Variants in PSME3IP1 observed in about 807,000 individuals in gnomAD.
The protein encoded by PSME3IP1 is proteasome activator subunit 3 interacting protein 1, also known as PSME3-interacting protein.
Under a neutral mutation model 34.1 loss-of-function variants are expected in PSME3IP1, and 13 were observed. The ratio of observed to expected loss-of-function variants is 0.38; its 90% CI spans 0.25 to 0.61. The LOEUF is 0.61. Ranked by LOEUF, PSME3IP1 falls within the 20% of genes least tolerant of loss-of-function variation. The pLI is 0.60. For synonymous variants in PSME3IP1, 93 were observed against 114.3 expected, an observed-to-expected ratio of 0.81 and a Z score of 1.19; for missense variants, 237 against 301.4, an observed-to-expected ratio of 0.79 and a Z score of 1.58.
chr16:57,169,087 G>T (rs2072260885), intron 4 of PSME3IP1, among the ~76,000 whole-genome samples: 1 of 152,030 alleles, frequency 6.6e-6, no homozygotes, highest in African/African-American at 2.4e-5. Flanking sequence ...GGGGTAGGGG[G>T]TGTTAATAAT....
chr16:57,172,926 T>A, intron 2 of PSME3IP1, 52 bp from the exon 3 acceptor site: 1 of 1,122,398 alleles, frequency 8.9e-7, no homozygotes, highest in South Asian at 1.2e-5. Context: ...GATATACACT[T>A]CAGATTGTTT....
intron 4 of PSME3IP1, among the ~76,000 whole-genome samples, chr16:57,171,100 G>A (rs1241662346): frequency 1.3e-5 from 2 of 152,024 alleles, no homozygotes; most frequent in African/African-American, 2.4e-5. Flanking sequence ...ATTACCGACA[G>A]CAATTTTAGG....
chr16:57,162,876 G>A (rs372877923), intron 6 of PSME3IP1, among the ~76,000 whole-genome samples: 3 of 151,582 alleles, frequency 2.0e-5, no homozygotes, highest in African/African-American at 7.3e-5. Flanking sequence ...GGCTACATAA[G>A]AAATGTGGCT....
At position 57,167,135 on chromosome 16, in the gene PSME3IP1, A is replaced by G; in HGVS notation, c.440T>C (p.Phe147Ser). The change falls in exon 5 of 7, where the codon TTC becomes TCC. Residue 147 changes from phenylalanine (F) to serine (S), a missense_variant. Phe to Ser is a radical substitution (Grantham distance 155). Coordinates refer to ENST00000309137, the MANE Select transcript of PSME3IP1 (RefSeq NM_024946.4). ...TVKPIETKNK[F>S]SQAKLLAGAV... The stretch of plus-strand genomic sequence containing the variant: ...TCCTGCCAACAGCTTCGCCTGGGAG[A>G]ACTTGTTCTTGGTTTCTATAGGCTT... The G allele has an allele frequency of 6.2e-7, 1 of 1,614,050 alleles. No individual in the cohort carries two copies. The highest frequency in any genetic ancestry group is 1.1e-5 in the South Asian group (1 of 91,074).
intron 1 of PSME3IP1, chr16:57,174,293 C>CAA (rs112755174): frequency 0.033 from 8,853 of 266,874 alleles, 278 homozygotes; most frequent in East Asian, 0.24. Flanking sequence ...GATTCTGTCT[C>CAA]AAAAAAAAAA....
At chr16:57,173,105 T>C (rs2072786661) in intron 2 of PSME3IP1, among the ~76,000 whole-genome samples, 1 of 152,208 alleles carries the variant, frequency 6.6e-6, no homozygotes, top group Admixed American at 6.5e-5. Context: ...GCCCATGGCC[T>C]GAGACAGTTA....
chr16:57,181,585 TGAG>T (rs1214624780), intron 1 of PSME3IP1: 3 of 152,190 alleles, frequency 2.0e-5, no homozygotes, highest in Non-Finnish European at 2.9e-5. Flanking sequence ...TCCCATAGGT[TGAG>T]GGGTGAGTCC....
At chr16:57,166,342 G>T (rs2071866029) in intron 5 of PSME3IP1, among the ~76,000 whole-genome samples, 1 of 152,180 alleles carries the variant, frequency 6.6e-6, no homozygotes. Context: ...ACATAGCAAA[G>T]AACTTATCAT....
At chr16:57,178,658 CCATA>C in intron 1 of PSME3IP1, 1 of 985,192 alleles carries the variant, frequency 1.0e-6, no homozygotes, top group Non-Finnish European at 1.2e-6. Flanking sequence ...TATTCAAACG[CCATA>C]CAATTTGTGC....
intron 1 of PSME3IP1, among the ~76,000 whole-genome samples, chr16:57,182,541 C>T (rs1217538272): frequency 7.1e-6 from 1 of 141,496 alleles, no homozygotes; most frequent in African/African-American, 2.8e-5. Context: ...AAGGAGATAC[C>T]CATTTCCCTT....
intron 4 of PSME3IP1, among the ~76,000 whole-genome samples, chr16:57,168,188 C>A (rs1312403615): frequency 5.3e-5 from 8 of 152,178 alleles, no homozygotes; most frequent in African/African-American, 1.9e-4. Context: ...ATAGTGACAT[C>A]TAGTGCCCAG....
At chr16:57,178,496 A>T in intron 1 of PSME3IP1, 1 of 950,268 alleles carries the variant, frequency 1.1e-6, no homozygotes, top group Non-Finnish European at 1.3e-6. Flanking sequence ...GTATTCAAAT[A>T]CTTACTGAAT....
rs956226485 is a variant in PSME3IP1, at chr16:57,161,613, T to C, written c.547+2388A>G. 1.1e-4 allele frequency among the ~76,000 whole-genome samples: 16 copies of C among 150,356 alleles called. No homozygotes were observed. The South Asian group carries it at 3.4e-3, about 32-fold the overall frequency. On this transcript the variant is annotated intron_variant, in intron 6 of 6. Transcript: ENST00000309137. ...TGCAAGCTCCACCTCCTGGGTTCAA[T>C]GCCATTCTCCTGCCTCAGCCTCCCG...
Position 57,164,056 on chromosome 16 carries a change from ACT to A in PSME3IP1, c.490_491del (p.Ser164TrpfsTer12), listed in dbSNP as rs1567382294. 1.2e-6 allele frequency: 2 copies of A among 1,613,910 alleles called. No homozygotes were observed. Among genetic ancestry groups the A allele is most frequent in the Non-Finnish European group, 1.7e-6 (2 of 1,179,978 alleles). On this transcript the variant is annotated frameshift_variant, in exon 6 of 7. Transcript: ENST00000309137. LOFTEE classifies it high-confidence loss of function. ...AGAVKHKSSE[S>X]GNSVKRLKPD... ...GTTTCAGTCTTTTCACACTGTTGCC[ACT>A]CTCTGAGCTGTAACAAAACACATGG...
intron 6 of PSME3IP1, among the ~76,000 whole-genome samples, chr16:57,157,881 T>C (rs967270283): frequency 6.6e-6 from 1 of 152,204 alleles, no homozygotes; most frequent in South Asian, 2.1e-4. Context: ...TAGGGAGGAA[T>C]AGTCCCATTT....
intron 6 of PSME3IP1, among the ~76,000 whole-genome samples, chr16:57,163,161 T>C (rs2071468070): frequency 6.6e-6 from 1 of 150,804 alleles, no homozygotes; most frequent in African/African-American, 2.4e-5. Context: ...TGAGACTCCA[T>C]CTCAAAAAAA....
At chr16:57,170,870 C>T (rs774247133) in intron 4 of PSME3IP1, among the ~76,000 whole-genome samples, 2 of 152,108 alleles carry the variant, frequency 1.3e-5, no homozygotes, top group African/African-American at 4.8e-5. Flanking sequence ...GTAACGAGTT[C>T]GAGACCAGCC....
chr16:57,157,927 C>T (rs1320744913), intron 6 of PSME3IP1, among the ~76,000 whole-genome samples: 1 of 152,182 alleles, frequency 6.6e-6, no homozygotes, highest in South Asian at 2.1e-4. Flanking sequence ...AGTATTAAAG[C>T]TAAGAAGGCT....
intron 6 of PSME3IP1, among the ~76,000 whole-genome samples, chr16:57,162,716 T>A (rs560373464): frequency 4.7e-5 from 7 of 149,664 alleles, no homozygotes; most frequent in African/African-American, 1.7e-4. Flanking sequence ...GGAGATACCT[T>A]ACAAAGAAAA....
Sources: gnomAD v4.1 joint callset for allele counts (sites outside exome capture counted in the v4.1 genomes callset) on GRCh38, gnomAD v4.1.1 for gene constraint, MANE v1.5 for transcripts, NCBI Gene and HGNC (gene_info 2026-07-23, HGNC 2026-07-21) for gene names.